APOL4: variants seen among roughly 807,000 people sequenced by gnomAD.
The protein encoded by APOL4 is apolipoprotein L, 4.
APOL4 carries 14 observed loss-of-function variants against 12.1 expected under a neutral mutation model. That is an observed-to-expected ratio of 1.16 (90% CI 0.76 to 1.81). APOL4 has a LOEUF of 1.81. Ranked by LOEUF, APOL4 falls within the 40% of genes most tolerant of loss-of-function variation. The pLI is 0.00. For missense variants in APOL4, 432 were observed against 423.1 expected, an observed-to-expected ratio of 1.02 and a Z score of -0.18; for synonymous variants, 171 against 160.6, an observed-to-expected ratio of 1.06 and a Z score of -0.49.
chr22:36,198,669 C>A (rs1190404728), intron 2 of APOL4, among the ~76,000 whole-genome samples: 1 of 152,206 alleles, frequency 6.6e-6, no homozygotes, highest in Non-Finnish European at 1.5e-5. Context: ...GTGTGGCAGG[C>A]ACTGGCTGGC....
Position 36,196,633 on chromosome 22 carries a change from C to T in APOL4, c.83-1196G>A, listed in dbSNP as rs191600803. Among the ~76,000 whole-genome samples the T allele has an allele frequency of 5.5e-3, 845 of 152,274 alleles. 7 individuals carry two copies. Among genetic ancestry groups the T allele is most frequent in the Middle Eastern group, 0.02 (6 of 294 alleles). ...GAATTATGGAACTCCAGAGAAGGGG[C>T]TGGGAACCAGTTTGTATTTATGTAT... On this transcript the variant is annotated intron_variant, in intron 2 of 3. Transcript: ENST00000683024.
chr22:36,201,862 G>A, upstream of APOL4: 3 of 1,579,066 alleles, frequency 1.9e-6, no homozygotes, highest in Admixed American at 5.6e-5. Flanking sequence ...CTACCAGTTG[G>A]TCAATTCCGG....
intron 3 of APOL4, 55 bp downstream of exon 3, chr22:36,195,256 G>A (rs2014369178): frequency 6.3e-7 from 1 of 1,578,514 alleles, no homozygotes; most frequent in Non-Finnish European, 8.6e-7. Context: ...CTAGCCCGGG[G>A]AGATCTGGGT....
At chr22:36,204,711 T>C (rs1312746463), upstream of APOL4, 5 of 449,070 alleles carry the variant, frequency 1.1e-5, no homozygotes, top group Non-Finnish European at 1.8e-5. Context: ...TGCACCTATA[T>C]AATAACCAGA....
In APOL4 at chr22:36,190,935, A is replaced by G. The variant is rs192468839; in HGVS notation, c.*140T>C. 7.4e-4 allele frequency: 569 copies of G among 769,342 alleles called. 1 individual carries two copies. Among genetic ancestry groups the G allele is most frequent in the Non-Finnish European group, 8.8e-4 (433 of 493,006 alleles). 47.7% of individuals were successfully genotyped at this position (769,342 alleles called of 1,614,324 possible). The stretch of plus-strand genomic sequence containing the variant: ...CAATTTGTGTTTAGAGATTGCGGTA[A>G]AGACAGGCATAGGAAATTATAAAAG... On this transcript the variant is annotated 3_prime_UTR_variant, in exon 4 of 4. Transcript: ENST00000683024.
intron 3 of APOL4, among the ~76,000 whole-genome samples, chr22:36,193,978 C>T (rs751648625): frequency 6.6e-5 from 10 of 152,166 alleles, no homozygotes; most frequent in Non-Finnish European, 1.3e-4. Context: ...CAGGTCAAGG[C>T]CCTGTACAAT....
chr22:36,204,658 A>G (rs2014675125), upstream of APOL4: 2 of 772,548 alleles, frequency 2.6e-6, no homozygotes, highest in Non-Finnish European at 3.8e-6. Flanking sequence ...GAGACTGAGC[A>G]AGATCCAGCT....
At position 36,200,871 on chromosome 22, in the gene APOL4, A is replaced by T. The variant is rs75355445; in HGVS notation, c.35+829T>A. ...TTTGAGAACTAAATATCTTGTTATC[A>T]ATACCAATTAGTACAAACTTTAAGG... On this transcript the variant is annotated intron_variant, in intron 1 of 3. Transcript: ENST00000683024. Among the ~76,000 whole-genome samples, 974 of 152,364 alleles carry T rather than the reference A, an allele frequency of 6.4e-3. 14 individuals are homozygous for T. Among genetic ancestry groups the T allele is most frequent in the African/African-American group, 0.023 (947 of 41,578 alleles).
Position 36,190,977 on chromosome 22 carries a change from T to A in APOL4, c.*98A>T, listed in dbSNP as rs2146933386. The A allele has an allele frequency of 9.5e-7, 1 of 1,055,124 alleles. No homozygotes were observed. Among genetic ancestry groups the A allele is most frequent in the South Asian group, 1.7e-5 (1 of 60,368 alleles). 65.4% of individuals were successfully genotyped at this position (1,055,124 alleles called of 1,614,324 possible). On this transcript the variant is annotated 3_prime_UTR_variant, in exon 4 of 4. Transcript: ENST00000683024. ...TTATAAAAGTATTAATTTGGGGAAC[T>A]AATAAATGTCCATGAAATCTTCACA...
chr22:36,200,568 G>A (rs2014541498), intron 1 of APOL4, among the ~76,000 whole-genome samples: 1 of 152,232 alleles, frequency 6.6e-6, no homozygotes, highest in African/African-American at 2.4e-5. Flanking sequence ...ACCTTAGGGT[G>A]TTTCTAATTC....
In APOL4 at chr22:36,191,913, C is replaced by T; in HGVS notation, c.210-1G>A. On this transcript the variant is annotated splice_acceptor_variant, in intron 3 of 3. Coordinates refer to ENST00000683024, the MANE Select transcript of APOL4 (RefSeq NM_001386885.1). LOFTEE classifies it high-confidence loss of function. ...TTCATAGAGAGCATCTGCCTCTTCC[C>T]TGTACCAATAAAGGACAGATGATTA... 1 of 1,581,886 alleles carries T rather than the reference C, an allele frequency of 6.3e-7. No individual in the cohort carries two copies. The highest frequency in any genetic ancestry group is 1.1e-5 in the South Asian group (1 of 87,432).
chr22:36,191,173 T>C lies in APOL4; in HGVS notation c.949A>G (p.Lys317Glu), dbSNP rs1262524285. 1 of 1,613,144 alleles carries C rather than the reference T, an allele frequency of 6.2e-7. No individual in the cohort carries two copies. The highest frequency in any genetic ancestry group is 1.3e-5 in the African/African-American group (1 of 75,018). ...CTCAGCGACTCAGCAGACTCGGATT[T>C]TGCCCCCTTGTGCAAGTCCAGTGAG... ...QDSLDLHKGA[K>E]SESAESLRQW... Residue 317 changes from lysine to glutamate, a missense_variant, in exon 4 of 4, where the codon AAA becomes GAA. Physicochemically the swap from Lys to Glu is moderately conservative, Grantham distance 56 (BLOSUM62 1). Transcript: ENST00000683024.
At chr22:36,194,768 A>G (rs2014356436) in intron 3 of APOL4, among the ~76,000 whole-genome samples, 2 of 152,156 alleles carry the variant, frequency 1.3e-5, no homozygotes, top group Non-Finnish European at 2.9e-5. Context: ...GTGTTTGTGC[A>G]GTTCCTCAGA....
In APOL4 at chr22:36,197,648, C is replaced by A. The variant is rs1030419654; in HGVS notation, c.82+1682G>T. 22 of 1,548,124 alleles carry A rather than the reference C, an allele frequency of 1.4e-5. No individual in the cohort carries two copies. The African/African-American group carries it at 2.6e-4, about 18-fold the overall frequency. On this transcript the variant is annotated intron_variant, in intron 2 of 3. Coordinates refer to ENST00000683024, the MANE Select transcript of APOL4 (RefSeq NM_001386885.1). ...ATATCAGATGGGCGCTTCTGTCAGA[C>A]ACAAACACAGCTTAACCTCGGCCAG...
chr22:36,191,359 C>T lies in APOL4; in HGVS notation c.763G>A (p.Gly255Arg). 6.2e-7 allele frequency: 1 copy of T among 1,614,046 alleles called. No homozygotes were observed. Among genetic ancestry groups the T allele is most frequent in the Non-Finnish European group, 8.5e-7 (1 of 1,179,910 alleles). ...TATCGCCAAGCAATCAAAGGGCGTC[C>T]AACAGTGGCTTTAGATCTCCTGAGT... ...HTLRRSKATV[G>R]RPLIAWRYVP... The change falls in exon 4 of 4, where the codon GGA becomes AGA. Residue 255 changes from glycine (G) to arginine (R), a missense_variant. Physicochemically the swap from Gly to Arg is moderately radical, Grantham distance 125 (BLOSUM62 -2). Transcript: ENST00000683024.
intron 2 of APOL4, 43 bp downstream of exon 2, chr22:36,199,287 G>A (rs1603478486): frequency 1.2e-6 from 2 of 1,612,638 alleles, no homozygotes; most frequent in Non-Finnish European, 1.7e-6. Flanking sequence ...AGCCAGGGAA[G>A]AGGAGGCGAG....
upstream of APOL4, chr22:36,204,666 G>A: frequency 7.8e-6 from 6 of 768,954 alleles, no homozygotes; most frequent in South Asian, 2.2e-5. Flanking sequence ...GCAAGATCCA[G>A]CTGGTCTGAG....
intron 2 of APOL4, among the ~76,000 whole-genome samples, chr22:36,198,968 C>T (rs1292622531): frequency 1.3e-5 from 2 of 152,178 alleles, no homozygotes; most frequent in Non-Finnish European, 2.9e-5. Flanking sequence ...GGTCAACCTC[C>T]TCTCCCACCC....
intron 2 of APOL4, among the ~76,000 whole-genome samples, chr22:36,195,776 T>TCACACACACACA (rs577893547): frequency 1.0e-5 from 1 of 96,986 alleles, no homozygotes; most frequent in African/African-American, 3.5e-5. Context: ...TCTCTCTCTC[T>TCACACACACACA]CACACACACA....
Sources: gnomAD v4.1 joint callset for allele counts (sites outside exome capture counted in the v4.1 genomes callset) on GRCh38, gnomAD v4.1.1 for gene constraint, MANE v1.5 for transcripts, NCBI Gene and HGNC (gene_info 2026-07-23, HGNC 2026-07-21) for gene names.